The following GRIP1 variants were observed in gnomAD, a reference collection of about 807,000 sequenced individuals.
GRIP1 encodes the protein glutamate receptor interacting protein 1, also known as glutamate receptor-interacting protein 1.
Under a neutral mutation model 129.9 loss-of-function variants are expected in GRIP1, and 45 were observed. That is an observed-to-expected ratio of 0.35 (90% CI 0.27 to 0.44). GRIP1 has a LOEUF of 0.44. Ranked by LOEUF, GRIP1 falls within the 20% of genes least tolerant of loss-of-function variation. GRIP1 has a pLI of 1.00. For synonymous variants in GRIP1, 530 were observed against 520.8 expected, an observed-to-expected ratio of 1.02 and a Z score of -0.24; for missense variants, 1,196 against 1,396.8, an observed-to-expected ratio of 0.86 and a Z score of 2.29.
Position 66,409,145 on chromosome 12 carries a change from ATTG to A in GRIP1, c.1839-2720_1839-2718del, listed in dbSNP as rs1188771199. On this transcript the variant is annotated intron_variant, in intron 15 of 24. Coordinates refer to ENST00000359742, the MANE Select transcript of GRIP1 (RefSeq NM_001366722.1). ...CCCTGGCTGGCTTTGCCACCTGCTG[ATTG>A]TAGAGCCTTTGGTCCTTGAGTGAAC... Among the ~76,000 whole-genome samples the A allele has an allele frequency of 3.3e-5, 5 of 152,196 alleles. No individual in the cohort carries two copies. The East Asian group carries it at 9.7e-4, about 29-fold the overall frequency.
At chr12:66,899,079 C>T (rs188235719) in intron 1 of GRIP1, among the ~76,000 whole-genome samples, 1 of 152,148 alleles carries the variant, frequency 6.6e-6, no homozygotes, top group Non-Finnish European at 1.5e-5. Flanking sequence ...CTTTGCATTT[C>T]TGCCTGGGTA....
At chr12:66,922,018 A>G (rs1236191936) in intron 1 of GRIP1, among the ~76,000 whole-genome samples, 2 of 152,230 alleles carry the variant, frequency 1.3e-5, no homozygotes, top group African/African-American at 4.8e-5. Flanking sequence ...AAAATTATTA[A>G]TATGAAATAA....
At chr12:66,630,568 G>A (rs2140037174) in intron 1 of GRIP1, among the ~76,000 whole-genome samples, 1 of 152,288 alleles carries the variant, frequency 6.6e-6, no homozygotes, top group South Asian at 2.1e-4. Context: ...GTTGAAAACA[G>A]TTTAAAATGG....
chr12:66,596,911 A>G lies in GRIP1; in HGVS notation c.72T>C (p.Thr24=). 1 of 1,612,228 alleles carries G rather than the reference A, an allele frequency of 6.2e-7. No homozygotes were observed. Among genetic ancestry groups the G allele is most frequent in the Non-Finnish European group, 8.5e-7 (1 of 1,178,244 alleles). The change falls in exon 2 of 25, where the codon ACT becomes ACC. Residue 24 remains threonine (T), a synonymous_variant. Coordinates refer to ENST00000359742, the MANE Select transcript of GRIP1 (RefSeq NM_001366722.1). ...RRLTKDESPY[T]KSASQTKPPD... The stretch of plus-strand genomic sequence containing the variant: ...GCGGCTTTGTCTGGCTGGCGGATTT[A>G]GTGTAGGGACTCTCATCTGCAAAGG...
intron 19 of GRIP1, among the ~76,000 whole-genome samples, 171 bp from the exon 20 acceptor site, chr12:66,379,607 G>C (rs867661168): frequency 6.6e-6 from 1 of 152,134 alleles, no homozygotes; most frequent in Non-Finnish European, 1.5e-5. Flanking sequence ...ACTTCATTTT[G>C]AGCCATCTTT....
At chr12:66,604,120 C>A (rs1411482546) in intron 1 of GRIP1, among the ~76,000 whole-genome samples, 2 of 152,146 alleles carry the variant, frequency 1.3e-5, no homozygotes, top group Non-Finnish European at 2.9e-5. Context: ...CCAGGAAGGG[C>A]TCCAGCACAG....
chr12:66,489,445 A>C (rs1191134620), intron 7 of GRIP1, among the ~76,000 whole-genome samples: 2 of 152,164 alleles, frequency 1.3e-5, no homozygotes, highest in Non-Finnish European at 2.9e-5. Context: ...TCAATAAACT[A>C]GGTATTGAAA....
At chr12:66,860,653 G>A (rs1185433288) in intron 1 of GRIP1, among the ~76,000 whole-genome samples, 1 of 151,942 alleles carries the variant, frequency 6.6e-6, no homozygotes, top group Admixed American at 6.6e-5. Context: ...TGCAGATTAG[G>A]CTCTCAACAC....
chr12:66,720,649 C>T (rs2036029948), intron 1 of GRIP1, among the ~76,000 whole-genome samples: 1 of 152,106 alleles, frequency 6.6e-6, no homozygotes, highest in African/African-American at 2.4e-5. Flanking sequence ...GGAGTAGATT[C>T]CATCTCAAGA....
chr12:66,783,012 T>C (rs1921012), intron 1 of GRIP1, among the ~76,000 whole-genome samples: 2,527 of 152,294 alleles, frequency 0.017, 24 homozygotes, highest in Non-Finnish European at 0.028. Context: ...CATTGCCATA[T>C]TTCTCAGCTG....
At chr12:66,832,519 G>GA (rs60120273) in intron 1 of GRIP1, among the ~76,000 whole-genome samples, 24,475 of 150,720 alleles carry the variant, frequency 0.16, 2,123 homozygotes, top group East Asian at 0.37. Flanking sequence ...TTGTTTATGA[G>GA]AAAAAAAAAT....
intron 1 of GRIP1, among the ~76,000 whole-genome samples, chr12:66,941,932 T>G (rs2041593151): frequency 6.6e-6 from 1 of 152,180 alleles, no homozygotes; most frequent in Non-Finnish European, 1.5e-5. Flanking sequence ...GAAAACTAAC[T>G]ACATGTCACA....
rs1261279201 is a variant in GRIP1 at position 66,381,134 on chromosome 12, C to T, written c.2465-1698G>A. Reference sequence around the variant, plus strand: ...GATCAAAAGGATTTGATCTTAAGAACCCAGGGCAATGCCTACCACCACATG... The same window carrying T: ...GATCAAAAGGATTTGATCTTAAGAATCCAGGGCAATGCCTACCACCACATG... On this transcript the variant is annotated intron_variant, in intron 19 of 24. Transcript: ENST00000359742. Among the ~76,000 whole-genome samples the T allele has an allele frequency of 3.3e-5, 5 of 152,100 alleles. No homozygotes were observed. In the South Asian group the frequency reaches 8.3e-4, roughly 25 times the overall value.
chr12:66,979,864 G>A lies in GRIP1; in HGVS notation c.58+89186C>T, dbSNP rs986583851. Among the ~76,000 whole-genome samples, 14 of 152,272 alleles carry A rather than the reference G, an allele frequency of 9.2e-5. 1 individual carries two copies. The highest frequency in any genetic ancestry group is 1.9e-4 in the Non-Finnish European group (13 of 68,018). Reference sequence around the variant, plus strand: ...GTGGATGGCCAACCTTAGAAGCTAGGAAGAGGCAAGGGAGGACTCTGCTAA... The same window carrying A: ...GTGGATGGCCAACCTTAGAAGCTAGAAAGAGGCAAGGGAGGACTCTGCTAA... On this transcript the variant is annotated intron_variant, in intron 1 of 1. Coordinates refer to the GRIP1 transcript ENST00000643019.
chr12:66,568,097 A>G (rs2062830788), intron 2 of GRIP1: 1 of 280,142 alleles, frequency 3.6e-6, no homozygotes, highest in South Asian at 4.9e-5. Flanking sequence ...ATGATGGGAA[A>G]TCTGTTCAGC....
chr12:66,678,485 T>C (rs1455066851), intron 1 of GRIP1, among the ~76,000 whole-genome samples: 1 of 152,134 alleles, frequency 6.6e-6, no homozygotes. Flanking sequence ...ATATGTATCA[T>C]AGAAAGGACA....
At chr12:66,446,094 G>GCCACCCCCC (rs1555185775) in intron 11 of GRIP1, among the ~76,000 whole-genome samples, 1 of 140,400 alleles carries the variant, frequency 7.1e-6, no homozygotes, top group African/African-American at 2.9e-5. Flanking sequence ...CATTCCTCCT[G>GCCACCCCCC]CCGCCCCCCA....
At chr12:67,061,379 T>C (rs2043533287) in intron 1 of GRIP1, among the ~76,000 whole-genome samples, 2 of 152,172 alleles carry the variant, frequency 1.3e-5, no homozygotes, top group Non-Finnish European at 2.9e-5. Flanking sequence ...ATCCTTACTT[T>C]ACAGATGAGA....
At chr12:66,589,582 G>A (rs1399696900) in intron 2 of GRIP1, among the ~76,000 whole-genome samples, 1 of 152,122 alleles carries the variant, frequency 6.6e-6, no homozygotes, top group Non-Finnish European at 1.5e-5. Context: ...AGAAACCTTT[G>A]TTTTTAATTT....
Sources: allele counts gnomAD v4.1 joint callset (sites outside exome capture counted in the v4.1 genomes callset), GRCh38; gene constraint gnomAD v4.1.1; transcripts MANE v1.5; gene names NCBI Gene and HGNC (gene_info 2026-07-23, HGNC 2026-07-21).